Variants in SGCZ observed in about 807,000 individuals in gnomAD.
SGCZ encodes zeta-sarcoglycan.
In SGCZ, 40 loss-of-function variants were observed where a neutral mutation model predicts 41.3. The observed-to-expected ratio is 0.97, with a 90% CI of 0.75 to 1.26. SGCZ has a LOEUF of 1.26. Among genes scored for constraint, SGCZ ranks in the 50% most tolerant of loss-of-function variants. SGCZ has a pLI of 0.00. For synonymous variants in SGCZ, 206 were observed against 137.5 expected (o/e 1.50, Z -3.49); for missense variants, 552 against 369.8 (o/e 1.49, Z -4.04).
intron 2 of SGCZ, among the ~76,000 whole-genome samples, chr8:14,339,247 G>T (rs1015750087): frequency 6.6e-6 from 1 of 152,090 alleles, no homozygotes; most frequent in Non-Finnish European, 1.5e-5. Context: ...AATCGCTCAA[G>T]GCCAGACAAA....
At chr8:15,012,645 T>TATATATA (rs60777894) in intron 1 of SGCZ, among the ~76,000 whole-genome samples, 70,052 of 120,176 alleles carry the variant, frequency 0.58, 19,248 homozygotes, top group Non-Finnish European at 0.62. Flanking sequence ...CATATAAAAC[T>TATATATA]ATATATAATA....
intron 1 of SGCZ, among the ~76,000 whole-genome samples, chr8:14,943,056 G>A (rs936801671): frequency 1.3e-5 from 2 of 152,070 alleles, no homozygotes; most frequent in African/African-American, 4.8e-5. Flanking sequence ...TTACAAAGAA[G>A]AATTGTCATA....
intron 1 of SGCZ, among the ~76,000 whole-genome samples, chr8:15,091,946 G>T (rs1386907888): frequency 6.6e-6 from 1 of 151,916 alleles, no homozygotes; most frequent in East Asian, 1.9e-4. Context: ...TAGAGACGGG[G>T]TTTCACTGTG....
At chr8:14,272,193 A>G (rs1585305782) in intron 3 of SGCZ, among the ~76,000 whole-genome samples, 3 of 152,244 alleles carry the variant, frequency 2.0e-5, no homozygotes, top group South Asian at 4.1e-4. Context: ...TTGTAGAGAC[A>G]GTGTTTTACC....
intron 2 of SGCZ, among the ~76,000 whole-genome samples, chr8:14,455,455 T>TGCATGC (rs1800713381): frequency 6.9e-6 from 1 of 144,352 alleles, no homozygotes; most frequent in South Asian, 2.3e-4. Context: ...TTTGCATGCA[T>TGCATGC]ACACACACAC....
chr8:14,308,199 C>T (rs1483619744), intron 3 of SGCZ, among the ~76,000 whole-genome samples: 1 of 151,810 alleles, frequency 6.6e-6, no homozygotes, highest in East Asian at 1.9e-4. Context: ...GGAGATTATA[C>T]CTAAATCTTT....
intron 3 of SGCZ, among the ~76,000 whole-genome samples, chr8:14,283,371 G>T (rs1420120494): frequency 6.6e-6 from 1 of 151,944 alleles, no homozygotes; most frequent in East Asian, 1.9e-4. Context: ...ATTACTACAC[G>T]TCCTCTGTAA....
intron 3 of SGCZ, among the ~76,000 whole-genome samples, chr8:14,255,316 C>T (rs1799422006): frequency 6.6e-6 from 1 of 152,156 alleles, no homozygotes; most frequent in Non-Finnish European, 1.5e-5. Flanking sequence ...ATGATCTTGT[C>T]ACATTCACTT....
chr8:14,757,389 G>A (rs535556590), intron 1 of SGCZ, among the ~76,000 whole-genome samples: 8 of 152,272 alleles, frequency 5.3e-5, no homozygotes, highest in Admixed American at 1.3e-4. Context: ...CTAGCCAGAC[G>A]CTGCCACCTT....
chr8:14,988,286 A>C (rs961831286), intron 1 of SGCZ, among the ~76,000 whole-genome samples: 1 of 152,046 alleles, frequency 6.6e-6, no homozygotes, highest in Non-Finnish European at 1.5e-5. Context: ...AAAACAAAGG[A>C]CAAACATGCT....
At chr8:14,361,532 G>A (rs1190759753) in intron 2 of SGCZ, among the ~76,000 whole-genome samples, 1 of 152,086 alleles carries the variant, frequency 6.6e-6, no homozygotes, top group East Asian at 1.9e-4. Flanking sequence ...AGCTTCAAGA[G>A]GTCATTTAAG....
intron 1 of SGCZ, among the ~76,000 whole-genome samples, chr8:14,908,966 G>A (rs1799202164): frequency 6.6e-6 from 1 of 152,036 alleles, no homozygotes. Flanking sequence ...TTATGCCTAT[G>A]TATTTTATGT....
intron 1 of SGCZ, among the ~76,000 whole-genome samples, chr8:14,770,038 G>A (rs1800184324): frequency 1.3e-5 from 2 of 151,100 alleles, no homozygotes. Context: ...TTTGCATTGT[G>A]CACCAATTTG....
intron 1 of SGCZ, among the ~76,000 whole-genome samples, chr8:15,169,543 C>T (rs568221199): frequency 3.3e-5 from 5 of 152,286 alleles, no homozygotes; most frequent in Admixed American, 1.3e-4. Flanking sequence ...GAACAAAGAA[C>T]CCTGTCTTTA....
At chr8:14,177,823 CCT>C (rs1266816340) in intron 4 of SGCZ, among the ~76,000 whole-genome samples, 7 of 150,670 alleles carry the variant, frequency 4.6e-5, no homozygotes, top group African/African-American at 1.2e-4. Context: ...TGCGCCCGGC[CCT>C]CTGTTTCCTT....
chr8:15,064,351 A>G (rs1346933261), intron 1 of SGCZ, among the ~76,000 whole-genome samples: 3 of 152,072 alleles, frequency 2.0e-5, no homozygotes, highest in African/African-American at 7.2e-5. Context: ...CCTACAATTT[A>G]TCTACTCTAA....
chr8:15,018,792 A>G (rs1028837321), intron 1 of SGCZ, among the ~76,000 whole-genome samples: 2 of 152,254 alleles, frequency 1.3e-5, no homozygotes, highest in Non-Finnish European at 2.9e-5. Context: ...GCTTTAATCT[A>G]TAAAGAAAAG....
intron 1 of SGCZ, among the ~76,000 whole-genome samples, chr8:14,902,306 A>G (rs1798993245): frequency 6.6e-6 from 1 of 151,896 alleles, no homozygotes; most frequent in African/African-American, 2.4e-5. Flanking sequence ...CTTTTCTTCT[A>G]CAGTTTGATC....
At chr8:14,601,034 A>G (rs1031088022) in intron 1 of SGCZ, among the ~76,000 whole-genome samples, 1 of 150,092 alleles carries the variant, frequency 6.7e-6, no homozygotes, top group Non-Finnish European at 1.5e-5. Context: ...ATTTTATAAT[A>G]TATTTTATAC....
Sources: gnomAD v4.1 joint callset for allele counts (sites outside exome capture counted in the v4.1 genomes callset) on GRCh38, gnomAD v4.1.1 for gene constraint, MANE v1.5 for transcripts, NCBI Gene and HGNC (gene_info 2026-07-23, HGNC 2026-07-21) for gene names.